The following SYT17 variants were observed in gnomAD, a reference collection of about 807,000 sequenced individuals.
SYT17 encodes the protein synaptotagmin 17.
Under a neutral mutation model 46.7 loss-of-function variants are expected in SYT17, and 22 were observed. The ratio of observed to expected loss-of-function variants is 0.47; its 90% CI spans 0.34 to 0.67. The LOEUF (loss-of-function observed/expected upper bound fraction) is 0.67. Ranked by LOEUF, SYT17 falls within the 30% of genes least tolerant of loss-of-function variation. The pLI, the probability that SYT17 is intolerant of heterozygous loss-of-function variation, is 0.01. For missense variants in SYT17, 519 were observed against 612.8 expected (o/e 0.85, Z 1.62); for synonymous variants, 251 against 248.4 (o/e 1.01, Z -0.10).
intron 5 of SYT17, among the ~76,000 whole-genome samples, chr16:19,184,549 C>T (rs1046989698): frequency 1.5e-5 from 2 of 136,886 alleles, no homozygotes; most frequent in Non-Finnish European, 3.1e-5. Context: ...CCACGCCCTG[C>T]TAATTTTTTT....
At chr16:19,184,575 T>G (rs1964703591) in intron 5 of SYT17, among the ~76,000 whole-genome samples, 1 of 151,708 alleles carries the variant, frequency 6.6e-6, no homozygotes, top group African/African-American at 2.4e-5. Context: ...TTTTTTTTTT[T>G]TAGTAGAGAT....
intron 5 of SYT17, among the ~76,000 whole-genome samples, chr16:19,201,152 G>A (rs1483254527): frequency 1.3e-5 from 2 of 152,180 alleles, no homozygotes; most frequent in Non-Finnish European, 2.9e-5. Context: ...CTGTGTGAGA[G>A]AGGAAATTGG....
At chr16:19,223,209 T>C (rs540293107) in intron 6 of SYT17, 44 bp downstream of exon 6, 1 of 1,603,534 alleles carries the variant, frequency 6.2e-7, no homozygotes, top group Admixed American at 1.7e-5. Flanking sequence ...TAATGGGGCA[T>C]CTGTGTTTGT....
chr16:19,236,381 C>T (rs1402711964), intron 7 of SYT17, among the ~76,000 whole-genome samples: 1 of 152,116 alleles, frequency 6.6e-6, no homozygotes, highest in Non-Finnish European at 1.5e-5. Context: ...GCTGGGGAAA[C>T]TCGAAGCTTA....
chr16:19,209,599 G>A (rs994146919), intron 5 of SYT17, among the ~76,000 whole-genome samples: 3 of 152,056 alleles, frequency 2.0e-5, no homozygotes, highest in Non-Finnish European at 4.4e-5. Flanking sequence ...GGCTGGGCGC[G>A]GTGGCTCACG....
chr16:19,201,919 G>A (rs1965482802), intron 5 of SYT17, among the ~76,000 whole-genome samples: 1 of 152,138 alleles, frequency 6.6e-6, no homozygotes, highest in Admixed American at 6.5e-5. Flanking sequence ...CAATTTTCAG[G>A]GGGAAAAGTA....
At chr16:19,214,442 T>A (rs1966015548) in intron 5 of SYT17, among the ~76,000 whole-genome samples, 1 of 152,024 alleles carries the variant, frequency 6.6e-6, no homozygotes, top group Admixed American at 6.6e-5. Flanking sequence ...TCAATTGATC[T>A]TCCCACTTTG....
chr16:19,225,023 T>C (rs1375607898), intron 7 of SYT17, among the ~76,000 whole-genome samples, 185 bp downstream of exon 7: 2 of 152,144 alleles, frequency 1.3e-5, no homozygotes, highest in Non-Finnish European at 2.9e-5. Flanking sequence ...ATAATATAAT[T>C]GTTAGAAATG....
intron 7 of SYT17, among the ~76,000 whole-genome samples, chr16:19,236,278 C>A (rs1966846844): frequency 6.6e-6 from 1 of 152,206 alleles, no homozygotes; most frequent in South Asian, 2.1e-4. Flanking sequence ...GACAGTAATA[C>A]TTCTATTTAT....
intron 7 of SYT17, among the ~76,000 whole-genome samples, chr16:19,242,533 A>G (rs1290521243): frequency 1.3e-5 from 2 of 151,814 alleles, no homozygotes; most frequent in Non-Finnish European, 2.9e-5. Context: ...TAATTAAAAA[A>G]ATTTTTTTTG....
intron 7 of SYT17, among the ~76,000 whole-genome samples, chr16:19,232,604 G>T (rs1031363941): frequency 6.6e-6 from 1 of 152,116 alleles, no homozygotes; most frequent in Admixed American, 6.5e-5. Context: ...GCTGAAGGGG[G>T]CGGATCGTTT....
intron 5 of SYT17, among the ~76,000 whole-genome samples, chr16:19,203,334 T>TAAAA (rs1965538904): frequency 1.5e-5 from 1 of 65,970 alleles, no homozygotes; most frequent in African/African-American, 1.3e-4. Flanking sequence ...CTACTAACAA[T>TAAAA]ACAAAAAAAA....
At position 19,173,539 on chromosome 16, in the gene SYT17, A is replaced by G. The variant is rs1243964011; in HGVS notation, c.143A>G (p.Glu48Gly). ...TGCCAGTCAAGTGAGGATGAAGTTG[A>G]AATTCTGGGACCTTTCCCTGCTCAG... ...SCCQSSEDEVEILGPFPAQTP... is the reference protein window; with the variant it reads ...SCCQSSEDEVGILGPFPAQTP... Residue 48 changes from glutamate to glycine, a missense_variant, in exon 3 of 8, where the codon GAA becomes GGA. By Grantham distance (98) the Glu-to-Gly change is moderately conservative (BLOSUM62 -2). Transcript: ENST00000355377. 6.2e-7 allele frequency: 1 copy of G among 1,613,980 alleles called. No homozygotes were observed. The highest frequency in any genetic ancestry group is 8.5e-7 in the Non-Finnish European group (1 of 1,180,004).
intron 7 of SYT17, chr16:19,250,082 G>T (rs1422189783): frequency 6.6e-7 from 1 of 1,521,110 alleles, no homozygotes; most frequent in African/African-American, 1.4e-5. Context: ...TGATTGAGTT[G>T]GTTGTGTGTC....
intron 7 of SYT17, among the ~76,000 whole-genome samples, chr16:19,244,189 A>G (rs138942158): frequency 1.1e-3 from 174 of 152,322 alleles, no homozygotes; most frequent in African/African-American, 4.0e-3. Flanking sequence ...CCCATTTTAC[A>G]GGGAAAGAAA....
chr16:19,236,304 T>C (rs917662937), intron 7 of SYT17, among the ~76,000 whole-genome samples: 1 of 152,258 alleles, frequency 6.6e-6, no homozygotes, highest in African/African-American at 2.4e-5. Context: ...ACCACCTGTA[T>C]GTTGATTTTC....
chr16:19,231,988 A>C (rs1019208297), intron 7 of SYT17, among the ~76,000 whole-genome samples: 3 of 152,184 alleles, frequency 2.0e-5, no homozygotes, highest in Admixed American at 6.5e-5. Context: ...CTGACACGTG[A>C]GCTGGGAGCT....
At chr16:19,198,774 G>A (rs7188617) in intron 5 of SYT17, among the ~76,000 whole-genome samples, 26,689 of 152,200 alleles carry the variant, frequency 0.18, 2,490 homozygotes, top group African/African-American at 0.23. Context: ...TGTGGCATGA[G>A]GCAAGGCCTC....
In SYT17 at chr16:19,223,077, A is replaced by C; in HGVS notation, c.984A>C (p.Ser328=). 1 of 1,614,056 alleles carries C rather than the reference A, an allele frequency of 6.2e-7. No homozygotes were observed. The highest frequency in any genetic ancestry group is 1.3e-5 in the African/African-American group (1 of 75,020). Residue 328 remains serine (S), a synonymous_variant, in exon 6 of 8, where the codon TCA becomes TCC. Coordinates refer to ENST00000355377, the MANE Select transcript of SYT17 (RefSeq NM_016524.4). The part of the protein sequence containing the change: ...NEVELGELLL[S]LNYLPSAGRL... ...TGGAGCTGGGGGAGCTGCTTCTGTC[A>C]CTGAATTATCTCCCAAGTGCTGGCA...
Sources: gnomAD v4.1 joint callset for allele counts (sites outside exome capture counted in the v4.1 genomes callset) on GRCh38, gnomAD v4.1.1 for gene constraint, MANE v1.5 for transcripts, NCBI Gene and HGNC (gene_info 2026-07-23, HGNC 2026-07-21) for gene names.